PTPN3: variants seen among roughly 807,000 people sequenced by gnomAD.
The protein encoded by PTPN3 is protein tyrosine phosphatase non-receptor type 3.
A neutral mutation model predicts 132.7 loss-of-function variants in PTPN3; 96 were observed. The observed-to-expected ratio is 0.72, with a 90% CI of 0.61 to 0.86. The LOEUF (loss-of-function observed/expected upper bound fraction) is 0.86. PTPN3 is among the 40% of genes least tolerant of loss of function. The pLI, the probability that PTPN3 is intolerant of heterozygous loss-of-function variation, is 0.00. For missense variants in PTPN3, 1,125 were observed against 1,159.6 expected (o/e 0.97, Z 0.43); for synonymous variants, 398 against 429.0 (o/e 0.93, Z 0.89).
chr9:109,426,873 A>G, intron 12 of PTPN3, 77 bp downstream of exon 12: 2 of 1,451,966 alleles, frequency 1.4e-6, no homozygotes, highest in South Asian at 2.6e-5. Flanking sequence ...CTGCCTAACA[A>G]TGTCCTCTAT....
chr9:109,535,428 A>T, the PTPN3 span, among the ~76,000 whole-genome samples: 1 of 152,226 alleles, frequency 6.6e-6, no homozygotes, highest in Non-Finnish European at 1.5e-5. Context: ...GGATAAGTAA[A>T]GTCCAAAGAC....
At chr9:109,420,365 C>A in intron 14 of PTPN3, 59 bp downstream of exon 14, 1 of 1,516,944 alleles carries the variant, frequency 6.6e-7, no homozygotes, top group South Asian at 1.3e-5. Context: ...TGGACCTGAG[C>A]AAATTCCGCA....
At chr9:109,532,488 T>C in the PTPN3 span, among the ~76,000 whole-genome samples, 1 of 152,074 alleles carries the variant, frequency 6.6e-6, no homozygotes, top group South Asian at 2.1e-4. Context: ...TAAACTTTCA[T>C]TACAAATTAA....
intron 1 of PTPN3, among the ~76,000 whole-genome samples, chr9:109,486,514 TG>T (rs1224395576): frequency 6.6e-6 from 1 of 151,988 alleles, no homozygotes; most frequent in Non-Finnish European, 1.5e-5. Context: ...GGGCAGGTTA[TG>T]GGGGACAAGT....
chr9:109,531,554 G>A, the PTPN3 span, among the ~76,000 whole-genome samples: 1 of 152,130 alleles, frequency 6.6e-6, no homozygotes, highest in African/African-American at 2.4e-5. Context: ...ACCTCTTTGG[G>A]CTTCAGTTTT....
rs753919338 is a variant in PTPN3, at chr9:109,408,332, G to A, written c.1624C>T (p.Pro542Ser). 2 of 1,577,038 alleles carry A rather than the reference G, an allele frequency of 1.3e-6. No homozygotes were observed. The highest frequency in any genetic ancestry group is 1.7e-6 in the Non-Finnish European group (2 of 1,156,404). The change falls in exon 17 of 26, where the codon CCA becomes TCA. Residue 542 changes from proline (P) to serine (S), a missense_variant. By Grantham distance (74) the Pro-to-Ser change is moderately conservative. Transcript: ENST00000374541. ...ATGTATTTACTTACAGGTGACTCTG[G>A]GTTTATCCTTGATACCACAAGAGGC... ...KMPLVVSRINPESPADTCIPK... is the reference protein window; with the variant it reads ...KMPLVVSRINSESPADTCIPK...
At chr9:109,510,957 ATG>A in the PTPN3 span, among the ~76,000 whole-genome samples, 1 of 152,184 alleles carries the variant, frequency 6.6e-6, no homozygotes, top group East Asian at 1.9e-4. Flanking sequence ...TACAACATAT[ATG>A]TGTTATTCCA....
intron 1 of PTPN3, among the ~76,000 whole-genome samples, chr9:109,487,547 T>C (rs1452876488): frequency 1.3e-5 from 2 of 152,240 alleles, no homozygotes; most frequent in African/African-American, 4.8e-5. Context: ...CAGCCTCTTT[T>C]AAACAGCCTT....
chr9:109,408,928 T>C (rs1487835332), intron 16 of PTPN3, among the ~76,000 whole-genome samples: 2 of 150,458 alleles, frequency 1.3e-5, no homozygotes, highest in East Asian at 3.9e-4. Flanking sequence ...GGGCACACCC[T>C]GTGAGCGCAT....
At chr9:109,438,020 A>C (rs1437944213) in intron 8 of PTPN3, 94 bp downstream of exon 8, 1 of 1,394,366 alleles carries the variant, frequency 7.2e-7, no homozygotes, top group African/African-American at 1.5e-5. Flanking sequence ...GGATTCATGC[A>C]CAAAAGAAAG....
intron 1 of PTPN3, among the ~76,000 whole-genome samples, chr9:109,472,774 C>T (rs1846445392): frequency 1.3e-5 from 2 of 152,172 alleles, no homozygotes; most frequent in South Asian, 4.1e-4. Flanking sequence ...ACACTAAATA[C>T]ACTAACTTAT....
chr9:109,482,683 C>T (rs1847015866), intron 1 of PTPN3, among the ~76,000 whole-genome samples: 1 of 152,168 alleles, frequency 6.6e-6, no homozygotes, highest in African/African-American at 2.4e-5. Context: ...TGGGTTCCCT[C>T]CCACTATCCA....
intron 21 of PTPN3, among the ~76,000 whole-genome samples, chr9:109,389,697 T>C (rs1839903121): frequency 6.6e-6 from 1 of 152,220 alleles, no homozygotes; most frequent in Admixed American, 6.5e-5. Context: ...ATTGGCTATC[T>C]GCATTTTCAG....
chr9:109,458,237 C>T lies in PTPN3; in HGVS notation c.139-838G>A, dbSNP rs146570972. ...TCGACTGGGGCCGTAGAGGAAGCAACCCCCTGATCTGGGTTTGGGAGGAGG... is the reference window on the plus strand; with the variant it reads ...TCGACTGGGGCCGTAGAGGAAGCAATCCCCTGATCTGGGTTTGGGAGGAGG... On this transcript the variant is annotated intron_variant, in intron 2 of 25. Transcript: ENST00000374541. Among the ~76,000 whole-genome samples, 274 of 152,274 alleles carry T rather than the reference C, an allele frequency of 1.8e-3. 1 individual carries two copies. Among genetic ancestry groups the T allele is most frequent in the African/African-American group, 6.1e-3 (254 of 41,550 alleles).
chr9:109,411,157 G>A (rs762492812), intron 14 of PTPN3, among the ~76,000 whole-genome samples: 4 of 152,204 alleles, frequency 2.6e-5, no homozygotes, highest in Non-Finnish European at 5.9e-5. Context: ...TTTCACCACG[G>A]CAGGAAGTCC....
chr9:109,444,576 TAA>T (rs1303179179), intron 7 of PTPN3, among the ~76,000 whole-genome samples: 1 of 152,214 alleles, frequency 6.6e-6, no homozygotes, highest in African/African-American at 2.4e-5. Context: ...CTTTGTACAT[TAA>T]GTTAAAATGC....
upstream of PTPN3, among the ~76,000 whole-genome samples, chr9:109,499,184 A>T (rs796815491): frequency 3.5e-4 from 53 of 152,218 alleles, no homozygotes; most frequent in African/African-American, 1.2e-3. Flanking sequence ...TATGCATTAT[A>T]TTAGAAAGTG....
At chr9:109,432,970 C>A in intron 10 of PTPN3, 103 bp downstream of exon 10, 1 of 1,490,066 alleles carries the variant, frequency 6.7e-7, no homozygotes, top group Non-Finnish European at 9.0e-7. Flanking sequence ...CACTCTCTAT[C>A]TTTTCTTTAG....
the PTPN3 span, chr9:109,534,279 G>C: frequency 1.7e-5 from 26 of 1,542,238 alleles, no homozygotes; most frequent in South Asian, 2.4e-4. Context: ...TGAGGGCGGG[G>C]GGCGGCGAGC....
Sources: allele counts gnomAD v4.1 joint callset (sites outside exome capture counted in the v4.1 genomes callset), GRCh38; gene constraint gnomAD v4.1.1; transcripts MANE v1.5; gene names NCBI Gene and HGNC (gene_info 2026-07-23, HGNC 2026-07-21).